Variants in PIP5K1A observed in about 807,000 individuals in gnomAD.
PIP5K1A encodes the protein phosphatidylinositol-4-phosphate 5-kinase type 1 alpha, also known as phosphatidylinositol 4-phosphate 5-kinase type-1 alpha.
PIP5K1A carries 46 observed loss-of-function variants against 72.9 expected under a neutral mutation model. That is an observed-to-expected ratio of 0.63 (90% CI 0.50 to 0.81). The LOEUF (loss-of-function observed/expected upper bound fraction) is 0.81, where lower values mean the gene tolerates loss of function less well. Among genes scored for constraint, PIP5K1A ranks in the 30% least tolerant of loss-of-function variants. The pLI, the probability that PIP5K1A is intolerant of heterozygous loss-of-function variation, is 0.00. For synonymous variants in PIP5K1A, 228 were observed against 255.1 expected (o/e 0.89, Z 1.01); for missense variants, 458 against 706.1 (o/e 0.65, Z 3.98).
intron 1 of PIP5K1A, among the ~76,000 whole-genome samples, chr1:151,217,572 T>C (rs1687821206): frequency 6.6e-6 from 1 of 152,100 alleles, no homozygotes; most frequent in African/African-American, 2.4e-5. Context: ...TTTAATTTTA[T>C]TAATGTATTA....
chr1:151,216,608 A>G (rs998916028), intron 1 of PIP5K1A, among the ~76,000 whole-genome samples: 6 of 152,102 alleles, frequency 3.9e-5, no homozygotes, highest in Non-Finnish European at 7.3e-5. Context: ...TCAGTAAACC[A>G]GTCTCAACTC....
chr1:151,208,433 T>TCA (rs2102004057), intron 1 of PIP5K1A, among the ~76,000 whole-genome samples: 1 of 148,418 alleles, frequency 6.7e-6, no homozygotes, highest in South Asian at 2.1e-4. Context: ...CAATCTTGGG[T>TCA]CACTGCAAGC....
chr1:151,234,254 C>T lies in PIP5K1A; in HGVS notation c.697C>T (p.Gln233Ter), dbSNP rs1222838342. 6.2e-7 allele frequency: 1 copy of T among 1,613,912 alleles called. No homozygotes were observed. Among genetic ancestry groups the T allele is most frequent in the Non-Finnish European group, 8.5e-7 (1 of 1,179,786 alleles). ...LPKFYGLYCV[Q>*]AGGKNIRIVV... ...TAAATTCTATGGACTGTACTGTGTG[C>T]AGGCAGGTGGCAAGAACATTCGGAT... The change falls in exon 8 of 16, where the codon CAG becomes TAG. Residue 233 changes from glutamine to a stop codon, truncating the protein, a stop_gained. Transcript: ENST00000368888. LOFTEE classifies it high-confidence loss of function.
At chr1:151,205,363 G>A (rs1454950901) in intron 1 of PIP5K1A, among the ~76,000 whole-genome samples, 1 of 151,932 alleles carries the variant, frequency 6.6e-6, no homozygotes, top group Non-Finnish European at 1.5e-5. Context: ...TTTAGTAGAG[G>A]CGGGGTTTCC....
intron 1 of PIP5K1A, among the ~76,000 whole-genome samples, chr1:151,212,922 G>A (rs1262508761): frequency 7.0e-5 from 9 of 129,086 alleles, no homozygotes; most frequent in Middle Eastern, 6.3e-3. Context: ...ACAGAGTCTC[G>A]CTCTGTCGCC....
chr1:151,217,701 C>T (rs1263529083), intron 1 of PIP5K1A, among the ~76,000 whole-genome samples: 1 of 152,154 alleles, frequency 6.6e-6, no homozygotes, highest in South Asian at 2.1e-4. Context: ...CCCACCTCAG[C>T]CTCACAAGTA....
chr1:151,201,121 AC>A (rs1685165808), intron 1 of PIP5K1A, among the ~76,000 whole-genome samples: 1 of 152,184 alleles, frequency 6.6e-6, no homozygotes, highest in African/African-American at 2.4e-5. Flanking sequence ...GGCGTGAGCC[AC>A]CGTGCCCCAC....
In PIP5K1A at chr1:151,234,520, A is replaced by G. The variant is rs189425542; in HGVS notation, c.939+24A>G. 2.9e-4 allele frequency: 466 copies of G among 1,595,572 alleles called. 1 individual carries two copies. Among genetic ancestry groups the G allele is most frequent in the South Asian group, 9.8e-4 (89 of 90,654 alleles). ...TGGTGAGTTTGTTACTTAGACATCAAAAATCTCAGTTACTAAAACAGCTTG... is the reference window on the plus strand; with the variant it reads ...TGGTGAGTTTGTTACTTAGACATCAGAAATCTCAGTTACTAAAACAGCTTG... On this transcript the variant is annotated intron_variant, in intron 8 of 15. Coordinates refer to ENST00000368888, the MANE Select transcript of PIP5K1A (RefSeq NM_001135638.2).
intron 1 of PIP5K1A, among the ~76,000 whole-genome samples, chr1:151,221,956 A>G (rs887727684): frequency 1.3e-5 from 2 of 152,028 alleles, no homozygotes; most frequent in African/African-American, 2.4e-5. Context: ...GCATGGTGGT[A>G]CACACCTGTA....
At chr1:151,215,174 G>T (rs1189489221) in intron 1 of PIP5K1A, among the ~76,000 whole-genome samples, 1 of 151,786 alleles carries the variant, frequency 6.6e-6, no homozygotes, top group Non-Finnish European at 1.5e-5. Flanking sequence ...GGGATTACAG[G>T]CAGGTGCCAC....
intron 8 of PIP5K1A, 27 bp downstream of exon 8, chr1:151,234,523 A>G: frequency 6.3e-7 from 1 of 1,590,382 alleles, no homozygotes; most frequent in East Asian, 2.2e-5. Flanking sequence ...GACATCAAAA[A>G]TCTCAGTTAC....
chr1:151,210,642 T>A (rs1022166489), intron 1 of PIP5K1A, among the ~76,000 whole-genome samples: 1 of 152,170 alleles, frequency 6.6e-6, no homozygotes, highest in East Asian at 1.9e-4. Flanking sequence ...TGGAGTGTAG[T>A]GGCATGATCT....
chr1:151,229,752 A>G (rs916627095), intron 4 of PIP5K1A, among the ~76,000 whole-genome samples: 7 of 151,324 alleles, frequency 4.6e-5, no homozygotes, highest in African/African-American at 1.7e-4. Context: ...AAAAGAAACT[A>G]ATAATTTATT....
At chr1:151,223,934 C>T (rs941516035) in intron 1 of PIP5K1A, 2 of 372,872 alleles carry the variant, frequency 5.4e-6, no homozygotes, top group South Asian at 6.4e-5. Flanking sequence ...TGCCACTGCA[C>T]TCCAGCCTGG....
At chr1:151,246,866 G>A in intron 14 of PIP5K1A, 54 bp from the exon 15 acceptor site, 1 of 1,340,684 alleles carries the variant, frequency 7.5e-7, no homozygotes, top group Non-Finnish European at 1.1e-6. Context: ...AGAGTCCTTT[G>A]TTGTTGTCTT....
chr1:151,199,176 T>C (rs1392752902), intron 1 of PIP5K1A, 95 bp downstream of exon 1: 8 of 1,591,862 alleles, frequency 5.0e-6, no homozygotes, highest in Non-Finnish European at 6.8e-6. Flanking sequence ...GGGAATGTCC[T>C]ACGTGTTACC....
In PIP5K1A at chr1:151,198,956, TGAAA is replaced by T; in HGVS notation, c.-38_-35del. On this transcript the variant is annotated 5_prime_UTR_variant, in exon 1 of 16. Transcript: ENST00000368888. Reference sequence around the variant, plus strand: ...ATTCCGAGAAGAGGAAGAACCGGATTGAAAGAGAGCCAGGCCGCTGAGGGGGAGG... The same window carrying T: ...ATTCCGAGAAGAGGAAGAACCGGATTGAGAGCCAGGCCGCTGAGGGGGAGG... The T allele has an allele frequency of 6.3e-7, 1 of 1,578,588 alleles. No homozygotes were observed. The highest frequency in any genetic ancestry group is 1.3e-5 in the African/African-American group (1 of 74,364).
At chr1:151,226,168 A>G (rs1176700492) in intron 3 of PIP5K1A, among the ~76,000 whole-genome samples, 5 of 147,550 alleles carry the variant, frequency 3.4e-5, no homozygotes, top group South Asian at 2.2e-4. Context: ...GCTCACTGCA[A>G]CCTCCACCTC....
At chr1:151,236,214 TCATACCAATAGTCCCAG>T (rs1387707384) in intron 8 of PIP5K1A, among the ~76,000 whole-genome samples, 1 of 151,858 alleles carries the variant, frequency 6.6e-6, no homozygotes, top group Non-Finnish European at 1.5e-5. Context: ...GCGTGGTGGC[TCATACCAATAGTCCCAG>T]CACTTTGGAA....
Sources: allele counts gnomAD v4.1 joint callset (sites outside exome capture counted in the v4.1 genomes callset), GRCh38; gene constraint gnomAD v4.1.1; transcripts MANE v1.5; gene names NCBI Gene and HGNC (gene_info 2026-07-23, HGNC 2026-07-21).